The following PCDH9 variants were observed in gnomAD, a reference collection of about 807,000 sequenced individuals.
PCDH9 encodes protocadherin 9.
Under a neutral mutation model 70.6 loss-of-function variants are expected in PCDH9, and 24 were observed. The ratio of observed to expected loss-of-function variants is 0.34; its 90% CI spans 0.25 to 0.48. The LOEUF is 0.48. Among genes scored for constraint, PCDH9 ranks in the 20% least tolerant of loss-of-function variants. PCDH9 has a pLI of 0.99. For synonymous variants in PCDH9, 562 were observed against 558.5 expected, an observed-to-expected ratio of 1.01 and a Z score of -0.09; for missense variants, 1,281 against 1,503.6, an observed-to-expected ratio of 0.85 and a Z score of 2.45.
intron 4 of PCDH9, among the ~76,000 whole-genome samples, chr13:66,599,260 AT>A (rs970780470): frequency 5.9e-5 from 9 of 151,542 alleles, no homozygotes; most frequent in Non-Finnish European, 1.3e-4. Flanking sequence ...TTAAAAAGAA[AT>A]TTTTTTTCTT....
chr13:66,415,680 A>G (rs1246370214), intron 4 of PCDH9, among the ~76,000 whole-genome samples: 1 of 152,206 alleles, frequency 6.6e-6, no homozygotes, highest in Non-Finnish European at 1.5e-5. Context: ...AATGAAAGAT[A>G]TTTATCTCAA....
At chr13:66,953,479 T>C (rs1329499957) in intron 2 of PCDH9, among the ~76,000 whole-genome samples, 3 of 152,236 alleles carry the variant, frequency 2.0e-5, no homozygotes, top group South Asian at 2.1e-4. Flanking sequence ...ATATTTTGTA[T>C]GCATGTACAC....
At chr13:67,019,188 CT>C (rs60154161) in intron 2 of PCDH9, among the ~76,000 whole-genome samples, 2,945 of 102,572 alleles carry the variant, frequency 0.029, 98 homozygotes, top group African/African-American at 0.1. Context: ...GGCAGTTGCT[CT>C]TTTTTTTTTT....
intron 3 of PCDH9, among the ~76,000 whole-genome samples, chr13:66,847,535 A>T (rs1249712651): frequency 6.6e-6 from 1 of 152,212 alleles, no homozygotes; most frequent in Non-Finnish European, 1.5e-5. Flanking sequence ...CAATTTCACA[A>T]ATAGAAGATT....
chr13:66,699,159 C>T lies in PCDH9; in HGVS notation c.3139-67748G>A, dbSNP rs533420558. 1.4e-4 allele frequency among the ~76,000 whole-genome samples: 21 copies of T among 152,148 alleles called. No individual in the cohort carries two copies. In the East Asian group the frequency reaches 4.1e-3, roughly 30 times the overall value. On this transcript the variant is annotated intron_variant, in intron 3 of 4. Coordinates refer to ENST00000377865, the MANE Select transcript of PCDH9 (RefSeq NM_203487.3). ...GAACTCCTGACCTTAAGTGATCCTC[C>T]TTCGTTGGCCTCCCAAAGTGCTGGG...
chr13:66,752,247 A>G (rs925276911), intron 3 of PCDH9, among the ~76,000 whole-genome samples: 3 of 152,226 alleles, frequency 2.0e-5, no homozygotes, highest in Non-Finnish European at 4.4e-5. Flanking sequence ...AGTATATGTC[A>G]TGTCTTCAAA....
At position 66,585,915 on chromosome 13, in the gene PCDH9, T is replaced by A. The variant is rs1198639411; in HGVS notation, c.3340+45295A>T. On this transcript the variant is annotated intron_variant, in intron 4 of 4. Transcript: ENST00000377865. Reference sequence around the variant, plus strand: ...AAAAGTGGTCTTTTGTGGTCAACCCTCTGCATTTCAAGCAGAGCCCATTAA... The same window carrying A: ...AAAAGTGGTCTTTTGTGGTCAACCCACTGCATTTCAAGCAGAGCCCATTAA... Among the ~76,000 whole-genome samples, 10 of 152,160 alleles carry A rather than the reference T, an allele frequency of 6.6e-5. 1 individual carries two copies.
At chr13:67,057,245 T>G (rs1224405704) in intron 2 of PCDH9, among the ~76,000 whole-genome samples, 1 of 152,142 alleles carries the variant, frequency 6.6e-6, no homozygotes, top group African/African-American at 2.4e-5. Context: ...ATACAAAACA[T>G]ACTTTCCTTA....
intron 4 of PCDH9, among the ~76,000 whole-genome samples, chr13:66,615,659 TACTC>T (rs1244968754): frequency 2.0e-5 from 3 of 152,182 alleles, no homozygotes; most frequent in Non-Finnish European, 4.4e-5. Flanking sequence ...AGAGCTGAAA[TACTC>T]ACAAATATCA....
chr13:66,737,481 AG>A (rs2079170181), intron 3 of PCDH9, among the ~76,000 whole-genome samples: 1 of 152,096 alleles, frequency 6.6e-6, no homozygotes. Context: ...AATTTGGAAG[AG>A]GGGGGAGGAG....
chr13:66,475,090 A>C (rs1414055507), intron 4 of PCDH9, among the ~76,000 whole-genome samples: 1 of 152,112 alleles, frequency 6.6e-6, no homozygotes, highest in Non-Finnish European at 1.5e-5. Context: ...TAGTTATATA[A>C]AATTTCTGAG....
At chr13:66,333,001 C>G (rs559562736) in intron 4 of PCDH9, among the ~76,000 whole-genome samples, 1 of 152,106 alleles carries the variant, frequency 6.6e-6, no homozygotes, top group South Asian at 2.1e-4. Context: ...TACATTGATG[C>G]TGACAGATGC....
At chr13:66,447,928 G>C (rs1333679551) in intron 4 of PCDH9, among the ~76,000 whole-genome samples, 2 of 152,096 alleles carry the variant, frequency 1.3e-5, no homozygotes, top group African/African-American at 4.8e-5. Flanking sequence ...AGTTCTTTCA[G>C]TTTGGAGAAC....
intron 4 of PCDH9, among the ~76,000 whole-genome samples, chr13:66,310,146 G>T (rs1206154272): frequency 6.6e-6 from 1 of 151,814 alleles, no homozygotes; most frequent in Non-Finnish European, 1.5e-5. Flanking sequence ...AATCACAAGT[G>T]CAAATAACAC....
intron 4 of PCDH9, among the ~76,000 whole-genome samples, chr13:66,568,150 C>T (rs770260318): frequency 1.1e-3 from 162 of 152,134 alleles, no homozygotes; most frequent in East Asian, 3.9e-4. Context: ...AGGGTTGGTT[C>T]TCCTAATCAT....
intron 4 of PCDH9, among the ~76,000 whole-genome samples, chr13:66,529,719 T>C (rs1202289874): frequency 2.0e-5 from 3 of 151,980 alleles, no homozygotes; most frequent in African/African-American, 7.2e-5. Flanking sequence ...GCTTCTTATA[T>C]CTCTTTTACA....
chr13:66,525,278 C>T (rs1194734419), intron 4 of PCDH9, among the ~76,000 whole-genome samples: 1 of 152,012 alleles, frequency 6.6e-6, no homozygotes, highest in Admixed American at 6.6e-5. Flanking sequence ...AAGCATTCCC[C>T]CAGTTTACCA....
intron 4 of PCDH9, among the ~76,000 whole-genome samples, chr13:66,579,619 T>C (rs1366762538): frequency 6.6e-6 from 1 of 152,024 alleles, no homozygotes; most frequent in Non-Finnish European, 1.5e-5. Context: ...AATAAAATTA[T>C]AGTAAAAAAT....
chr13:66,341,467 A>T (rs1163545613), intron 4 of PCDH9, among the ~76,000 whole-genome samples: 1 of 152,116 alleles, frequency 6.6e-6, no homozygotes, highest in Non-Finnish European at 1.5e-5. Context: ...TGCCACAAGG[A>T]GCTGTGGCAG....
Sources: allele counts gnomAD v4.1 joint callset (sites outside exome capture counted in the v4.1 genomes callset), GRCh38; gene constraint gnomAD v4.1.1; transcripts MANE v1.5; gene names NCBI Gene and HGNC (gene_info 2026-07-23, HGNC 2026-07-21).